The following RCAN2 variants were observed in gnomAD, a reference collection of about 807,000 sequenced individuals.
The protein encoded by RCAN2 is regulator of calcineurin 2.
A neutral mutation model predicts 23.6 loss-of-function variants in RCAN2; 9 were observed. The ratio of observed to expected loss-of-function variants is 0.38; its 90% CI spans 0.23 to 0.67. The LOEUF is 0.67. RCAN2 is among the 30% of genes least tolerant of loss of function. The probability of loss-of-function intolerance (pLI) is 0.51; values close to 1 mark genes in which losing one functional copy is unlikely to be tolerated. For missense variants in RCAN2, 273 were observed against 302.3 expected, an observed-to-expected ratio of 0.90 and a Z score of 0.72; for synonymous variants, 109 against 115.7, an observed-to-expected ratio of 0.94 and a Z score of 0.37.
chr6:46,393,778 G>T (rs991772785), intron 2 of RCAN2, among the ~76,000 whole-genome samples: 1 of 151,976 alleles, frequency 6.6e-6, no homozygotes, highest in Non-Finnish European at 1.5e-5. Flanking sequence ...TTAACTCTTG[G>T]AACTCTTCCA....
At chr6:46,437,564 T>C (rs1012731158) in intron 2 of RCAN2, among the ~76,000 whole-genome samples, 1 of 152,234 alleles carries the variant, frequency 6.6e-6, no homozygotes, top group Admixed American at 6.5e-5. Flanking sequence ...AGTTGTTGTT[T>C]CCAGCTATAA....
At chr6:46,420,256 A>C (rs1766842147) in intron 2 of RCAN2, among the ~76,000 whole-genome samples, 1 of 152,120 alleles carries the variant, frequency 6.6e-6, no homozygotes, top group South Asian at 2.1e-4. Flanking sequence ...CATGCAAGAC[A>C]ATTAAATTGA....
At chr6:46,325,453 A>C (rs760742347) in intron 2 of RCAN2, 3 of 1,614,212 alleles carry the variant, frequency 1.9e-6, no homozygotes, top group Non-Finnish European at 2.5e-6. Context: ...GAGTGGAAAC[A>C]TCACAGTCCA....
chr6:46,313,902 T>C (rs961613482), intron 2 of RCAN2, among the ~76,000 whole-genome samples: 1 of 152,270 alleles, frequency 6.6e-6, no homozygotes, highest in African/African-American at 2.4e-5. Flanking sequence ...GCACTACAAA[T>C]GGAGTACTTC....
In RCAN2 at chr6:46,246,842, G is replaced by T; in HGVS notation, c.477C>A (p.Pro159=). Residue 159 remains proline (P), a synonymous_variant, in exon 4 of 5, where the codon CCC becomes CCA. Coordinates refer to ENST00000371374, the MANE Select transcript of RCAN2 (RefSeq NM_001251974.2). ...GCCAGCCAACAGGTGGGGAGGAAGG[G>T]GGCGAGATGAGAAACTGTTTGGCAG... The part of the protein sequence containing the change: ...PQPAKQFLIS[P]PSSPPVGWQP... The T allele has an allele frequency of 6.2e-7, 1 of 1,613,046 alleles. No homozygotes were observed. The highest frequency in any genetic ancestry group is 8.5e-7 in the Non-Finnish European group (1 of 1,179,590).
chr6:46,360,324 A>G (rs1307661891), intron 2 of RCAN2, among the ~76,000 whole-genome samples: 2 of 151,922 alleles, frequency 1.3e-5, no homozygotes, highest in Non-Finnish European at 2.9e-5. Context: ...TGAGGTCAGG[A>G]GGTGGAGACC....
At chr6:46,298,392 A>G (rs181371637) in intron 2 of RCAN2, among the ~76,000 whole-genome samples, 226 of 152,178 alleles carry the variant, frequency 1.5e-3, no homozygotes, top group African/African-American at 5.4e-3. Flanking sequence ...GGTGAGGGCA[A>G]TATTGAGCAA....
intron 2 of RCAN2, among the ~76,000 whole-genome samples, chr6:46,448,619 G>C (rs1269077607): frequency 6.6e-6 from 1 of 151,860 alleles, no homozygotes; most frequent in African/African-American, 2.4e-5. Flanking sequence ...ACATTAAAAT[G>C]ATTGTTCACC....
At chr6:46,327,271 A>G (rs537912111) in intron 2 of RCAN2, among the ~76,000 whole-genome samples, 1 of 152,196 alleles carries the variant, frequency 6.6e-6, no homozygotes, top group Non-Finnish European at 1.5e-5. Context: ...GCTGGATCCC[A>G]TGTTAGGATG....
At chr6:46,277,709 G>C (rs1412397762) in intron 2 of RCAN2, among the ~76,000 whole-genome samples, 1 of 151,964 alleles carries the variant, frequency 6.6e-6, no homozygotes, top group African/African-American at 2.4e-5. Flanking sequence ...CCAGAGGGAG[G>C]CATAGATGGG....
At chr6:46,300,641 T>A (rs1156319434) in intron 2 of RCAN2, among the ~76,000 whole-genome samples, 1 of 152,066 alleles carries the variant, frequency 6.6e-6, no homozygotes, top group Non-Finnish European at 1.5e-5. Context: ...AATCATATGT[T>A]ATGACATTTA....
chr6:46,466,459 C>T (rs1768388054), intron 1 of RCAN2, among the ~76,000 whole-genome samples: 1 of 152,012 alleles, frequency 6.6e-6, no homozygotes, highest in Admixed American at 6.6e-5. Context: ...CACTAGAAGT[C>T]CAAGGAGGCA....
At chr6:46,379,630 T>G (rs1765568581) in intron 2 of RCAN2, among the ~76,000 whole-genome samples, 1 of 152,200 alleles carries the variant, frequency 6.6e-6, no homozygotes, top group South Asian at 2.1e-4. Context: ...TTTGGGGGAT[T>G]TGAACAATCA....
chr6:46,298,805 C>T (rs1382474983), intron 2 of RCAN2, among the ~76,000 whole-genome samples: 1 of 152,070 alleles, frequency 6.6e-6, no homozygotes, highest in Non-Finnish European at 1.5e-5. Flanking sequence ...GACTCATGCA[C>T]TCATATGTTC....
In RCAN2 at chr6:46,223,171, A is replaced by T. The variant is rs187755608; in HGVS notation, c.702T>A (p.Arg234=). ...TGGACACGGAGGGTGGCAGGCCAGGACGCCGAGTTTGGATGATTTTTGGCT... is the reference window on the plus strand; with the variant it reads ...TGGACACGGAGGGTGGCAGGCCAGGTCGCCGAGTTTGGATGATTTTTGGCT... ...SPKPKIIQTR[R]PGLPPSVSN is the part of the protein sequence containing the mutation. Residue 234 remains arginine (R), a synonymous_variant, in exon 5 of 5, where the codon CGT becomes CGA. Transcript: ENST00000371374. The T allele has an allele frequency of 3.7e-6, 6 of 1,613,468 alleles. No individual in the cohort carries two copies. The Admixed American group carries it at 8.3e-5, about 22-fold the overall frequency.
chr6:46,434,529 T>C (rs1255456643), intron 2 of RCAN2, among the ~76,000 whole-genome samples: 3 of 152,158 alleles, frequency 2.0e-5, no homozygotes, highest in Admixed American at 6.5e-5. Context: ...AAGAGAGGAC[T>C]TGAAGAACTG....
intron 2 of RCAN2, among the ~76,000 whole-genome samples, chr6:46,344,139 T>C (rs1764413734): frequency 6.6e-6 from 1 of 152,218 alleles, no homozygotes; most frequent in African/African-American, 2.4e-5. Context: ...GATGGTTGTA[T>C]AATTCTGTAA....
chr6:46,342,089 G>A (rs899562310), intron 2 of RCAN2, among the ~76,000 whole-genome samples: 1 of 152,164 alleles, frequency 6.6e-6, no homozygotes, highest in African/African-American at 2.4e-5. Context: ...CTTTGACTGA[G>A]ATATGTCTTT....
chr6:46,474,695 T>A (rs1768665773), intron 1 of RCAN2, among the ~76,000 whole-genome samples: 2 of 152,210 alleles, frequency 1.3e-5, no homozygotes, highest in Non-Finnish European at 1.5e-5. Context: ...GAATCATTGC[T>A]ATGTGAAAGT....
Sources: gnomAD v4.1 joint callset for allele counts (sites outside exome capture counted in the v4.1 genomes callset) on GRCh38, gnomAD v4.1.1 for gene constraint, MANE v1.5 for transcripts, NCBI Gene and HGNC (gene_info 2026-07-23, HGNC 2026-07-21) for gene names.